Variants in SLC35F3 observed in about 807,000 individuals in gnomAD.
SLC35F3 encodes solute carrier family 35 member F3, also known as putative thiamine transporter SLC35F3.
A neutral mutation model predicts 49.9 loss-of-function variants in SLC35F3; 25 were observed. That is an observed-to-expected ratio of 0.50 (90% CI 0.37 to 0.70). The LOEUF is 0.70. Ranked by LOEUF, SLC35F3 falls within the 30% of genes least tolerant of loss-of-function variation. The probability of loss-of-function intolerance (pLI) is 0.00; values close to 1 mark genes in which losing one functional copy is unlikely to be tolerated. For missense variants in SLC35F3, 525 were observed against 639.8 expected, an observed-to-expected ratio of 0.82 and a Z score of 1.94; for synonymous variants, 275 against 265.4, an observed-to-expected ratio of 1.04 and a Z score of -0.35.
chr1:234,089,556 G>T (rs2102876546), intron 2 of SLC35F3, among the ~76,000 whole-genome samples: 1 of 152,336 alleles, frequency 6.6e-6, no homozygotes, highest in East Asian at 1.9e-4. Flanking sequence ...CAGCAAAGCT[G>T]CATTTCAGAA....
chr1:234,276,115 C>T (rs1225788029), intron 3 of SLC35F3, among the ~76,000 whole-genome samples: 2 of 152,160 alleles, frequency 1.3e-5, no homozygotes, highest in South Asian at 2.1e-4. Context: ...ATCAACTCAG[C>T]ATTTTATCAC....
Position 234,214,126 on chromosome 1 carries a change from G to T in SLC35F3, c.284-17291G>T. 1 of 1,030,336 alleles carries T rather than the reference G, an allele frequency of 9.7e-7. No homozygotes were observed. The highest frequency in any genetic ancestry group is 1.2e-6 in the Non-Finnish European group (1 of 856,772). 63.8% of individuals were successfully genotyped at this position (1,030,336 alleles called of 1,614,324 possible). On this transcript the variant is annotated intron_variant, in intron 2 of 7. Transcript: ENST00000366618. This position sits in a 1 kb window ranked among gnomAD's most constrained non-coding sequence, Gnocchi z 8.0. Reference sequence around the variant, plus strand: ...TCAGGACCTGGCTGGGAGGAAGACAGGGATGAGGGCTGCGGGGCTGGGCGT... The same window carrying T: ...TCAGGACCTGGCTGGGAGGAAGACATGGATGAGGGCTGCGGGGCTGGGCGT...
At chr1:234,308,730 C>T (rs1657271362) in intron 3 of SLC35F3, among the ~76,000 whole-genome samples, 1 of 150,920 alleles carries the variant, frequency 6.6e-6, no homozygotes, top group Non-Finnish European at 1.5e-5. Context: ...ACAACCCCCA[C>T]CCCAAAAAAG....
chr1:234,081,614 A>G (rs1365430552), intron 2 of SLC35F3, among the ~76,000 whole-genome samples: 3 of 152,064 alleles, frequency 2.0e-5, no homozygotes, highest in South Asian at 2.1e-4. Flanking sequence ...TTTTCTTTAC[A>G]CTGCCTTTTC....
chr1:234,098,947 G>A (rs1466453711), intron 2 of SLC35F3, among the ~76,000 whole-genome samples: 2 of 152,196 alleles, frequency 1.3e-5, no homozygotes, highest in African/African-American at 4.8e-5. Context: ...GGTAGTGATG[G>A]TGTTATAGGG....
At chr1:233,930,155 GA>G (rs55771904) in intron 2 of SLC35F3, among the ~76,000 whole-genome samples, 4,760 of 145,836 alleles carry the variant, frequency 0.033, 252 homozygotes, top group African/African-American at 0.11. Context: ...TTTCTTAAAA[GA>G]AAAAAAAAAA....
rs1001569821 is a variant in SLC35F3, at chr1:234,290,566, T to A, written c.609-18535T>A. 2.0e-5 allele frequency among the ~76,000 whole-genome samples: 3 copies of A among 152,278 alleles called. No homozygotes were observed. In the South Asian group the frequency reaches 6.2e-4, roughly 32 times the overall value. On this transcript the variant is annotated intron_variant, in intron 3 of 7. Transcript: ENST00000366618. Reference sequence around the variant, plus strand: ...CTGCCCCATGTCCTGGAGTTGGATGTCAGGGATAGGACACTCATCAACAGG... The same window carrying A: ...CTGCCCCATGTCCTGGAGTTGGATGACAGGGATAGGACACTCATCAACAGG...
chr1:234,072,417 T>C (rs933685513), intron 2 of SLC35F3, among the ~76,000 whole-genome samples: 2 of 152,176 alleles, frequency 1.3e-5, no homozygotes, highest in Admixed American at 6.5e-5. Flanking sequence ...ATGGAGATAA[T>C]GCAGTGAACA....
chr1:233,934,678 G>A (rs1656695899), intron 2 of SLC35F3, among the ~76,000 whole-genome samples: 1 of 151,982 alleles, frequency 6.6e-6, no homozygotes, highest in African/African-American at 2.4e-5. Context: ...TCTAGAGCAA[G>A]AAACAGAATA....
chr1:233,921,314 G>T (rs956739114), intron 2 of SLC35F3, among the ~76,000 whole-genome samples: 2 of 152,068 alleles, frequency 1.3e-5, no homozygotes, highest in Non-Finnish European at 2.9e-5. Flanking sequence ...CCCGACACAT[G>T]CACAGTCTCC....
intron 2 of SLC35F3, among the ~76,000 whole-genome samples, chr1:233,931,460 C>CA (rs541261595): frequency 6.6e-6 from 1 of 151,720 alleles, no homozygotes; most frequent in East Asian, 1.9e-4. Context: ...ACAGCAACAG[C>CA]AAAAAACATC....
chr1:233,976,514 T>C (rs1663082541), intron 2 of SLC35F3, among the ~76,000 whole-genome samples: 1 of 152,222 alleles, frequency 6.6e-6, no homozygotes, highest in African/African-American at 2.4e-5. Context: ...TCTCAGTGTG[T>C]GTCCTATTTT....
chr1:233,905,404 G>C (rs1380303904), intron 1 of SLC35F3, 125 bp from the exon 2 acceptor site: 3 of 777,264 alleles, frequency 3.9e-6, no homozygotes, highest in Non-Finnish European at 2.0e-6. Flanking sequence ...CTGCCGCGGC[G>C]CTCGCCCCCG....
chr1:234,108,556 TAA>T (rs1385865197), intron 2 of SLC35F3, among the ~76,000 whole-genome samples: 1 of 112,054 alleles, frequency 8.9e-6, no homozygotes, highest in African/African-American at 3.5e-5. Context: ...TATTTATATA[TAA>T]AAGATATATA....
At chr1:234,163,892 C>T (rs890741773) in intron 2 of SLC35F3, among the ~76,000 whole-genome samples, 2 of 151,926 alleles carry the variant, frequency 1.3e-5, no homozygotes, top group Admixed American at 1.3e-4. Flanking sequence ...TGCTCAGTGC[C>T]GAGGAGTGAA....
intron 2 of SLC35F3, among the ~76,000 whole-genome samples, chr1:234,136,088 A>G (rs1438236266): frequency 1.3e-5 from 2 of 152,188 alleles, no homozygotes. Context: ...GTTTTCAGAG[A>G]TGTTTACAGG....
intron 2 of SLC35F3, among the ~76,000 whole-genome samples, chr1:234,096,950 T>C (rs1303680329): frequency 6.7e-6 from 1 of 149,684 alleles, no homozygotes; most frequent in African/African-American, 2.5e-5. Context: ...AGTGCAATGG[T>C]GTGCTCTCGG....
rs116366790 is a variant in SLC35F3 at position 233,976,906 on chromosome 1, C to T, written c.283+71148C>T. ...AATTACAGGCGTGAGCCACCATGCCCGGCTGGTACTCAATTTTAAAGAGAA... is the reference window on the plus strand; with the variant it reads ...AATTACAGGCGTGAGCCACCATGCCTGGCTGGTACTCAATTTTAAAGAGAA... On this transcript the variant is annotated intron_variant, in intron 2 of 7. Coordinates refer to ENST00000366618, the MANE Select transcript of SLC35F3 (RefSeq NM_173508.4). Among the ~76,000 whole-genome samples the T allele has an allele frequency of 8.9e-3, 1,351 of 152,250 alleles. 13 individuals are homozygous for T. Among genetic ancestry groups the T allele is most frequent in the African/African-American group, 0.027 (1,125 of 41,528 alleles).
intron 2 of SLC35F3, among the ~76,000 whole-genome samples, chr1:234,151,288 GGAGCTAGCAT>G: frequency 6.6e-6 from 1 of 151,668 alleles, no homozygotes; most frequent in South Asian, 2.1e-4. Context: ...GAAGCTCAGT[GGAGCTAGCAT>G]GACTTTCCTG....
Sources: allele counts gnomAD v4.1 joint callset (sites outside exome capture counted in the v4.1 genomes callset), GRCh38; gene constraint gnomAD v4.1.1; non-coding constraint Gnocchi (gnomAD v3.1); transcripts MANE v1.5; gene names NCBI Gene and HGNC (gene_info 2026-07-23, HGNC 2026-07-21).